The following ST3GAL3 variants were observed in gnomAD, a reference collection of about 807,000 sequenced individuals.
The protein encoded by ST3GAL3 is CMP-N-acetylneuraminate-beta-1,4-galactoside alpha-2,3-sialyltransferase.
ST3GAL3 carries 21 observed loss-of-function variants against 50.1 expected under a neutral mutation model. The observed-to-expected ratio is 0.42, with a 90% CI of 0.30 to 0.60. ST3GAL3 has a LOEUF of 0.60. ST3GAL3 is among the 20% of genes least tolerant of loss of function. The probability of loss-of-function intolerance (pLI) is 0.19; values close to 1 mark genes in which losing one functional copy is unlikely to be tolerated. For synonymous variants in ST3GAL3, 183 were observed against 190.0 expected (o/e 0.96, Z 0.30); for missense variants, 353 against 489.4 (o/e 0.72, Z 2.63).
intron 4 of ST3GAL3, among the ~76,000 whole-genome samples, chr1:43,825,832 A>C (rs1190507670): frequency 6.6e-6 from 1 of 152,208 alleles, no homozygotes; most frequent in Non-Finnish European, 1.5e-5. Context: ...ACAGAGTAGA[A>C]ATCAACAGAG....
At position 43,822,698 on chromosome 1, in the gene ST3GAL3, A is replaced by G. The variant is rs142948205; in HGVS notation, c.209+7765A>G. 9.2e-5 allele frequency among the ~76,000 whole-genome samples: 14 copies of G among 152,246 alleles called. 1 individual carries two copies. The East Asian group carries it at 2.3e-3, about 25-fold the overall frequency. ...CCCAGTGGTGCACTAGGTACTTTCT[A>G]TGTTACCTGTTCCCACAACATTTGC... On this transcript the variant is annotated intron_variant, in intron 4 of 11. Transcript: ENST00000347631.
chr1:43,869,979 C>G (rs2072262646), intron 5 of ST3GAL3, among the ~76,000 whole-genome samples: 1 of 152,170 alleles, frequency 6.6e-6, no homozygotes, highest in East Asian at 1.9e-4. Context: ...CTTATGCTTC[C>G]CTAGAACTTG....
chr1:43,834,475 G>A (rs527834453), intron 4 of ST3GAL3, among the ~76,000 whole-genome samples: 1 of 152,298 alleles, frequency 6.6e-6, no homozygotes, highest in African/African-American at 2.4e-5. Flanking sequence ...TGACCTCCCT[G>A]TTGCCGAATC....
chr1:43,714,536 C>T (rs572146045), intron 1 of ST3GAL3, among the ~76,000 whole-genome samples: 10 of 151,712 alleles, frequency 6.6e-5, no homozygotes, highest in African/African-American at 1.9e-4. Context: ...ACCTGGGAGG[C>T]GGAGGTTGCA....
chr1:43,805,735 CT>C (rs899459612), intron 3 of ST3GAL3, among the ~76,000 whole-genome samples: 17 of 152,074 alleles, frequency 1.1e-4, no homozygotes, highest in African/African-American at 4.1e-4. Flanking sequence ...GAACGCTCTT[CT>C]TTTTTTTCTT....
chr1:43,882,343 AGGAGAAGAGGGG>A (rs1348715985), intron 5 of ST3GAL3, among the ~76,000 whole-genome samples: 1 of 152,172 alleles, frequency 6.6e-6, no homozygotes, highest in East Asian at 1.9e-4. Context: ...AGGGAAAGGG[AGGAGAAGAGGGG>A]GTATCTGAGG....
At chr1:43,752,686 A>T (rs1686621915) in intron 2 of ST3GAL3, among the ~76,000 whole-genome samples, 1 of 151,996 alleles carries the variant, frequency 6.6e-6, no homozygotes, top group Admixed American at 6.6e-5. Flanking sequence ...ATATTTTTGT[A>T]GGAGTGGGTC....
chr1:43,852,166 C>G (rs3791083), intron 5 of ST3GAL3, among the ~76,000 whole-genome samples: 6,042 of 152,212 alleles, frequency 0.04, 148 homozygotes, highest in East Asian at 0.13. Context: ...CCTGTTTGCT[C>G]TCACACTTTT....
In ST3GAL3 at chr1:43,782,524, A is replaced by G. The variant is rs538103434; in HGVS notation, c.119-9578A>G. ...ATCCAGACTCCTAACTTGGTATTCA[A>G]AACCCCATCTGGTCTGCTTTTCTGC... is the stretch of plus-strand genomic sequence containing the variant. On this transcript the variant is annotated intron_variant, in intron 2 of 11. Transcript: ENST00000347631. 2.6e-5 allele frequency among the ~76,000 whole-genome samples: 4 copies of G among 151,810 alleles called. No individual in the cohort carries two copies. The South Asian group carries it at 8.4e-4, about 32-fold the overall frequency.
intron 11 of ST3GAL3, chr1:43,921,869 A>G (rs2083084401): frequency 2.5e-6 from 1 of 397,954 alleles, no homozygotes; most frequent in Non-Finnish European, 4.4e-6. Context: ...CACCTGACCC[A>G]GCTCCCATCA....
chr1:43,907,041 G>T (rs1422943623), intron 9 of ST3GAL3, among the ~76,000 whole-genome samples: 2 of 152,178 alleles, frequency 1.3e-5, no homozygotes, highest in African/African-American at 4.8e-5. Context: ...GGTCTGTGAG[G>T]ATGGTAAGAA....
At chr1:43,736,585 C>A in intron 2 of ST3GAL3, 2 of 836,964 alleles carry the variant, frequency 2.4e-6, no homozygotes, top group Non-Finnish European at 3.9e-6. Context: ...CATGCCATGA[C>A]AAATCTCAGT....
intron 2 of ST3GAL3, among the ~76,000 whole-genome samples, chr1:43,754,130 A>C: frequency 6.6e-6 from 1 of 152,234 alleles, no homozygotes; most frequent in East Asian, 1.9e-4. Flanking sequence ...TTGTGCTAAG[A>C]CAGAAAAAGT....
chr1:43,911,820 T>TG (rs1366347283), intron 9 of ST3GAL3: 1 of 152,026 alleles, frequency 6.6e-6, no homozygotes, highest in African/African-American at 2.4e-5. Context: ...CCCAAGTAGC[T>TG]GGGGGCTACA....
chr1:43,832,657 A>C (rs946512643), intron 4 of ST3GAL3, among the ~76,000 whole-genome samples: 3 of 152,156 alleles, frequency 2.0e-5, no homozygotes, highest in Non-Finnish European at 4.4e-5. Context: ...TTAAGGAGAA[A>C]CATTTCCATC....
intron 4 of ST3GAL3, among the ~76,000 whole-genome samples, chr1:43,818,189 A>G (rs1483788635): frequency 6.6e-6 from 1 of 152,116 alleles, no homozygotes; most frequent in South Asian, 2.1e-4. Flanking sequence ...CTTATTTTCC[A>G]TATTTTTTAT....
chr1:43,920,249 C>G, intron 9 of ST3GAL3, 155 bp from the exon 10 acceptor site: 2 of 839,228 alleles, frequency 2.4e-6, no homozygotes, highest in Non-Finnish European at 3.9e-6. Context: ...TCCATTTCCC[C>G]AAACACAGAT....
At chr1:43,847,058 C>T (rs2066374131) in intron 5 of ST3GAL3, among the ~76,000 whole-genome samples, 1 of 152,146 alleles carries the variant, frequency 6.6e-6, no homozygotes, top group African/African-American at 2.4e-5. Context: ...CTCAATGTTA[C>T]TAATCACTAG....
intron 5 of ST3GAL3, among the ~76,000 whole-genome samples, chr1:43,860,499 G>C (rs1309425660): frequency 1.3e-5 from 2 of 152,252 alleles, no homozygotes; most frequent in African/African-American, 2.4e-5. Context: ...CGTGGCCAAG[G>C]AAAGCTGTTG....
Sources: gnomAD v4.1 joint callset for allele counts (sites outside exome capture counted in the v4.1 genomes callset) on GRCh38, gnomAD v4.1.1 for gene constraint, MANE v1.5 for transcripts, NCBI Gene and HGNC (gene_info 2026-07-23, HGNC 2026-07-21) for gene names.